Variants in LNX1 observed in about 807,000 individuals in gnomAD.
LNX1 encodes the protein E3 ubiquitin-protein ligase LNX.
LNX1 carries 54 observed loss-of-function variants against 68.4 expected under a neutral mutation model. The observed-to-expected ratio is 0.79, with a 90% CI of 0.63 to 0.99. LNX1 has a LOEUF of 0.99. LNX1 is among the 50% of genes least tolerant of loss of function. The pLI, the probability that LNX1 is intolerant of heterozygous loss-of-function variation, is 0.00. For synonymous variants in LNX1, 336 were observed against 350.0 expected (o/e 0.96, Z 0.45); for missense variants, 906 against 926.4 (o/e 0.98, Z 0.29).
At chr4:53,509,052 T>A (rs952603373) in intron 2 of LNX1, among the ~76,000 whole-genome samples, 3 of 152,200 alleles carry the variant, frequency 2.0e-5, no homozygotes, top group Admixed American at 2.0e-4. Flanking sequence ...AAGACCAAGG[T>A]TGGAGCTGAT....
intron 1 of LNX1, among the ~76,000 whole-genome samples, chr4:53,636,914 A>G (rs189466240): frequency 2.7e-3 from 403 of 151,238 alleles, no homozygotes; most frequent in Admixed American, 4.8e-3. Context: ...GGTGTTATAC[A>G]CTTATCTTGT....
chr4:53,508,775 T>C (rs1369478294), intron 2 of LNX1, among the ~76,000 whole-genome samples: 1 of 152,216 alleles, frequency 6.6e-6, no homozygotes, highest in East Asian at 1.9e-4. Context: ...GTGGCTTCCA[T>C]TCTCTTTCTC....
chr4:53,610,436 G>A (rs1189194113), intron 2 of LNX1, among the ~76,000 whole-genome samples: 3 of 152,050 alleles, frequency 2.0e-5, no homozygotes, highest in Non-Finnish European at 4.4e-5. Flanking sequence ...AAAATGCTGC[G>A]GTGGCTCAAG....
At chr4:53,565,156 G>C (rs1382130557) in intron 2 of LNX1, among the ~76,000 whole-genome samples, 2 of 152,146 alleles carry the variant, frequency 1.3e-5, no homozygotes, top group African/African-American at 4.8e-5. Flanking sequence ...ACAGCTCAGG[G>C]AGGCCTGCCT....
upstream of LNX1, among the ~76,000 whole-genome samples, chr4:53,618,289 A>G (rs2590819): frequency 0.42 from 63,375 of 151,808 alleles, 13,188 homozygotes; most frequent in Admixed American, 0.45. Context: ...AGCCTTGGGA[A>G]AAGAGTATTC....
intron 9 of LNX1, among the ~76,000 whole-genome samples, chr4:53,475,987 C>T (rs1053946720): frequency 1.3e-5 from 2 of 152,100 alleles, no homozygotes; most frequent in African/African-American, 4.8e-5. Context: ...GTTTTATGTG[C>T]AGCCAAGGCC....
intron 2 of LNX1, among the ~76,000 whole-genome samples, chr4:53,565,114 A>G (rs1472356402): frequency 6.6e-6 from 1 of 151,948 alleles, no homozygotes; most frequent in Non-Finnish European, 1.5e-5. Context: ...TAAACAAAGC[A>G]TCCTGGAAGC....
intron 1 of LNX1, among the ~76,000 whole-genome samples, chr4:53,583,823 T>C (rs1731982708): frequency 6.6e-6 from 1 of 152,152 alleles, no homozygotes; most frequent in Non-Finnish European, 1.5e-5. Context: ...TTTTACCACC[T>C]TTCCCCTGGG....
intron 2 of LNX1, among the ~76,000 whole-genome samples, chr4:53,565,409 G>T (rs1381136661): frequency 2.6e-5 from 4 of 151,616 alleles, no homozygotes; most frequent in African/African-American, 7.3e-5. Flanking sequence ...ACACTGCAGG[G>T]TACTCCAACA....
chr4:53,592,489 G>T (rs1732554178), upstream of LNX1, among the ~76,000 whole-genome samples: 1 of 152,156 alleles, frequency 6.6e-6, no homozygotes. Context: ...TTGAAACGCT[G>T]CGTATTTTTA....
chr4:53,532,133 G>A (rs569026016), intron 2 of LNX1, among the ~76,000 whole-genome samples: 2 of 152,326 alleles, frequency 1.3e-5, no homozygotes, highest in African/African-American at 4.8e-5. Context: ...AGAAAGGGAT[G>A]GACCAAGGAC....
In LNX1 at chr4:53,549,187, T is replaced by C. The variant is rs776647304; in HGVS notation, c.380+24436A>G. On this transcript the variant is annotated intron_variant, in intron 2 of 10. Transcript: ENST00000263925. ...TAAAATAAAAGTAAAAAAAATAAGTTCTCCCCTTAAAGCTTCTGGGCAACA... is the reference window on the plus strand; with the variant it reads ...TAAAATAAAAGTAAAAAAAATAAGTCCTCCCCTTAAAGCTTCTGGGCAACA... Among the ~76,000 whole-genome samples, 9 of 152,062 alleles carry C rather than the reference T, an allele frequency of 5.9e-5. No homozygotes were observed. The East Asian group carries it at 1.7e-3, about 29-fold the overall frequency.
intron 2 of LNX1, among the ~76,000 whole-genome samples, chr4:53,551,258 A>G (rs1267289643): frequency 6.6e-6 from 1 of 152,142 alleles, no homozygotes; most frequent in African/African-American, 2.4e-5. Flanking sequence ...GACAGACATG[A>G]GGCAGGGAAG....
At chr4:53,519,059 C>T (rs1466203646) in intron 2 of LNX1, among the ~76,000 whole-genome samples, 1 of 152,162 alleles carries the variant, frequency 6.6e-6, no homozygotes, top group Admixed American at 6.5e-5. Flanking sequence ...CTGCATGCCT[C>T]ATAGGTCAGT....
At chr4:53,477,248 G>A (rs1318836967) in intron 8 of LNX1, among the ~76,000 whole-genome samples, 1 of 152,188 alleles carries the variant, frequency 6.6e-6, no homozygotes, top group African/African-American at 2.4e-5. Context: ...AAGGAAGGGA[G>A]TGAGAGAGGA....
Position 53,614,983 on chromosome 4 carries a change from T to TG in LNX1, c.-215+1533_-215+1534insC, listed in dbSNP as rs10658913. On this transcript the variant is annotated intron_variant, in intron 2 of 3. Coordinates refer to the LNX1 transcript ENST00000504299. Reference sequence around the variant, plus strand: ...GGAGCTATTCCGAAATTTGTTCATCTTTGAACACCGAGAATGAGAATAAAA... The same window carrying TG: ...GGAGCTATTCCGAAATTTGTTCATCTGTTGAACACCGAGAATGAGAATAAAA... Among the ~76,000 whole-genome samples the TG allele has an allele frequency of 4.0e-5, 6 of 151,700 alleles. No homozygotes were observed. The East Asian group carries it at 1.2e-3, about 29-fold the overall frequency.
At chr4:53,526,218 C>T (rs1160601486) in intron 2 of LNX1, among the ~76,000 whole-genome samples, 9 of 152,132 alleles carry the variant, frequency 5.9e-5, no homozygotes, top group Admixed American at 2.0e-4. Context: ...CACACTGCTC[C>T]CTGAACACAT....
At chr4:53,471,745 A>G (rs1026792589) in intron 9 of LNX1, among the ~76,000 whole-genome samples, 1 of 152,246 alleles carries the variant, frequency 6.6e-6, no homozygotes, top group Admixed American at 6.5e-5. Context: ...AATGCTCATC[A>G]TCACTGGCCA....
intron 2 of LNX1, among the ~76,000 whole-genome samples, chr4:53,562,889 A>G (rs567275949): frequency 1.7e-4 from 26 of 152,220 alleles, no homozygotes; most frequent in Non-Finnish European, 3.4e-4. Flanking sequence ...CACCATACAC[A>G]TATACAATAT....
Sources: allele counts gnomAD v4.1 joint callset (sites outside exome capture counted in the v4.1 genomes callset), GRCh38; gene constraint gnomAD v4.1.1; transcripts MANE v1.5; gene names NCBI Gene and HGNC (gene_info 2026-07-23, HGNC 2026-07-21).